The following KCNAB1 variants were observed in gnomAD, a reference collection of about 807,000 sequenced individuals.
KCNAB1 encodes voltage-gated potassium channel subunit beta-1.
Under a neutral mutation model 64.6 loss-of-function variants are expected in KCNAB1, and 35 were observed. The ratio of observed to expected loss-of-function variants is 0.54; its 90% CI spans 0.41 to 0.72. KCNAB1 has a LOEUF of 0.72. Among genes scored for constraint, KCNAB1 ranks in the 30% least tolerant of loss-of-function variants. KCNAB1 has a pLI of 0.00. For synonymous variants in KCNAB1, 177 were observed against 183.8 expected (o/e 0.96, Z 0.30); for missense variants, 401 against 512.9 (o/e 0.78, Z 2.11).
At chr3:156,361,361 C>G (rs759470001) in intron 1 of KCNAB1, among the ~76,000 whole-genome samples, 6 of 152,164 alleles carry the variant, frequency 3.9e-5, no homozygotes, top group Non-Finnish European at 8.8e-5. Context: ...CTCCCTATTC[C>G]ACATGGCCAC....
intron 1 of KCNAB1, among the ~76,000 whole-genome samples, chr3:156,207,914 G>T (rs1193840975): frequency 6.6e-6 from 1 of 152,174 alleles, no homozygotes; most frequent in Non-Finnish European, 1.5e-5. Flanking sequence ...ACTAACAAGA[G>T]CCACAAAGAG....
chr3:156,336,278 C>T (rs958003947), intron 1 of KCNAB1, among the ~76,000 whole-genome samples: 1 of 152,164 alleles, frequency 6.6e-6, no homozygotes, highest in African/African-American at 2.4e-5. Flanking sequence ...AGGAAAATTG[C>T]TTGAACCTGG....
At chr3:156,478,121 G>C (rs1438268219) in intron 8 of KCNAB1, among the ~76,000 whole-genome samples, 1 of 151,920 alleles carries the variant, frequency 6.6e-6, no homozygotes, top group African/African-American at 2.4e-5. Context: ...TTTCAAATGT[G>C]GTGAAAAAAT....
At chr3:156,137,805 C>T (rs2108274168) in intron 1 of KCNAB1, among the ~76,000 whole-genome samples, 1 of 151,938 alleles carries the variant, frequency 6.6e-6, no homozygotes, top group South Asian at 2.1e-4. Flanking sequence ...ATCCACCTAC[C>T]TCGGCCTCCC....
At chr3:156,525,769 C>T (rs984644184) in intron 12 of KCNAB1, among the ~76,000 whole-genome samples, 3 of 152,166 alleles carry the variant, frequency 2.0e-5, no homozygotes, top group South Asian at 2.1e-4. Context: ...CTGCCTTGGC[C>T]GCCTAAAGTG....
intron 12 of KCNAB1, 29 bp from the exon 13 acceptor site, chr3:156,531,380 T>A (rs763065709): frequency 6.5e-7 from 1 of 1,545,820 alleles, no homozygotes; most frequent in South Asian, 1.1e-5. Flanking sequence ...AGTGCTTTGA[T>A]AAACTGACCC....
At chr3:156,245,954 G>T (rs1717426430) in intron 1 of KCNAB1, among the ~76,000 whole-genome samples, 1 of 132,528 alleles carries the variant, frequency 7.5e-6, no homozygotes. Flanking sequence ...TAACTGATAG[G>T]TTATTTTAAT....
At chr3:156,318,937 G>A (rs1722476924) in intron 1 of KCNAB1, among the ~76,000 whole-genome samples, 3 of 152,226 alleles carry the variant, frequency 2.0e-5, no homozygotes, top group Non-Finnish European at 2.9e-5. Context: ...GGCAGAGCCA[G>A]TAAACCAGTT....
chr3:156,221,518 C>T (rs1415997707), intron 1 of KCNAB1, among the ~76,000 whole-genome samples: 1 of 152,040 alleles, frequency 6.6e-6, no homozygotes, highest in African/African-American at 2.4e-5. Context: ...GAGACTCACG[C>T]CTGTAATCCC....
At chr3:156,118,550 A>G (rs981047633), upstream of KCNAB1, among the ~76,000 whole-genome samples, 9 of 152,234 alleles carry the variant, frequency 5.9e-5, no homozygotes, top group Non-Finnish European at 1.0e-4. Context: ...AACTGGCACA[A>G]GTAGATAATT....
intron 2 of KCNAB1, among the ~76,000 whole-genome samples, chr3:156,450,872 C>A (rs537107442): frequency 0.028 from 3,962 of 140,800 alleles, 132 homozygotes; most frequent in African/African-American, 0.092. Flanking sequence ...CACCCCCCCC[C>A]AAAAAAAAGT....
intron 1 of KCNAB1, among the ~76,000 whole-genome samples, chr3:156,145,068 T>C (rs1361653413): frequency 6.6e-6 from 1 of 152,106 alleles, no homozygotes; most frequent in Non-Finnish European, 1.5e-5. Flanking sequence ...GATTCCATAC[T>C]CCCCATAGGT....
chr3:156,360,660 A>C (rs1288352249), intron 1 of KCNAB1, among the ~76,000 whole-genome samples: 9 of 152,022 alleles, frequency 5.9e-5, no homozygotes, highest in African/African-American at 2.2e-4. Context: ...GGCTGTAGTA[A>C]GCTACAGTTG....
chr3:156,342,610 T>A (rs899779594), intron 1 of KCNAB1, among the ~76,000 whole-genome samples: 50 of 68,278 alleles, frequency 7.3e-4, no homozygotes, highest in Non-Finnish European at 1.0e-3. Flanking sequence ...TTTTTTTTAA[T>A]TTTTTTTTTT....
intron 1 of KCNAB1, among the ~76,000 whole-genome samples, chr3:156,285,428 C>T (rs373478808): frequency 1.3e-5 from 2 of 151,774 alleles, no homozygotes; most frequent in African/African-American, 4.8e-5. Flanking sequence ...GTGCTATGTC[C>T]AGGTTCCAGA....
intron 1 of KCNAB1, among the ~76,000 whole-genome samples, chr3:156,128,432 A>G (rs1186431485): frequency 1.3e-5 from 2 of 152,260 alleles, no homozygotes. Flanking sequence ...GTGTTATTTT[A>G]GTGATTGGTT....
chr3:156,402,013 T>C (rs919940417), intron 1 of KCNAB1, among the ~76,000 whole-genome samples: 5 of 151,804 alleles, frequency 3.3e-5, no homozygotes, highest in East Asian at 1.9e-4. Flanking sequence ...ACTGGGGAGC[T>C]GGGGGAGGGA....
chr3:156,363,129 AT>A (rs913219271), intron 1 of KCNAB1, among the ~76,000 whole-genome samples: 11 of 152,242 alleles, frequency 7.2e-5, no homozygotes, highest in African/African-American at 2.7e-4. Flanking sequence ...CCTCAGAAAA[AT>A]AATTAGTTTC....
At chr3:156,450,862 C>T (rs1372671713) in intron 2 of KCNAB1, among the ~76,000 whole-genome samples, 3 of 127,792 alleles carry the variant, frequency 2.3e-5, no homozygotes, top group African/African-American at 1.4e-4. Flanking sequence ...CCCATCCACC[C>T]ACCCCCCCCC....
Sources: gnomAD v4.1 joint callset for allele counts (sites outside exome capture counted in the v4.1 genomes callset) on GRCh38, gnomAD v4.1.1 for gene constraint, MANE v1.5 for transcripts, NCBI Gene and HGNC (gene_info 2026-07-23, HGNC 2026-07-21) for gene names.